MON2: variants seen among roughly 807,000 people sequenced by gnomAD.
MON2 encodes the protein MON2 regulator of endosome-to-Golgi trafficking.
In MON2, 84 loss-of-function variants were observed where a neutral mutation model predicts 208.6. The ratio of observed to expected loss-of-function variants is 0.40; its 90% CI spans 0.34 to 0.48. The LOEUF is 0.48. MON2 is among the 20% of genes least tolerant of loss of function. The pLI, the probability that MON2 is intolerant of heterozygous loss-of-function variation, is 0.59. For missense variants in MON2, 1,611 were observed against 2,015.4 expected, an observed-to-expected ratio of 0.80 and a Z score of 3.84; for synonymous variants, 660 against 694.0, an observed-to-expected ratio of 0.95 and a Z score of 0.77.
rs763219580 is a variant in MON2 at position 62,495,059 on chromosome 12, A to T, written c.347A>T (p.Glu116Val). 2 of 1,611,082 alleles carry T rather than the reference A, an allele frequency of 1.2e-6. No individual in the cohort carries two copies. The highest frequency in any genetic ancestry group is 1.1e-5 in the South Asian group (1 of 90,924). The change falls in exon 4 of 35, where the codon GAG becomes GTG. Residue 116 changes from glutamate to valine, a missense_variant. Glu to Val is a moderately radical substitution (Grantham distance 121). Transcript: ENST00000393630. ...ATTAACATGCTTTGGCAGCTAATGG[A>T]GAATAGTCTTGAAGAACTTAAGCTA... The part of the protein sequence containing the change: ...NIINMLWQLM[E>V]NSLEELKLLQ...
rs76057648 is a variant in MON2, at chr12:62,517,717, G to A, written c.985-6798G>A. ...TCTCATATTTCCAGCCTCCAGAATT[G>A]TAACAAATAAATTTCTGTCATTTAA... On this transcript the variant is annotated intron_variant, in intron 8 of 34. Transcript: ENST00000393630. Among the ~76,000 whole-genome samples, 329 of 152,230 alleles carry A rather than the reference G, an allele frequency of 2.2e-3. 4 individuals are homozygous for A. In the East Asian group the frequency reaches 0.055, roughly 26 times the overall value.
intron 7 of MON2, among the ~76,000 whole-genome samples, chr12:62,505,692 G>A (rs1266880296): frequency 6.6e-6 from 1 of 151,452 alleles, no homozygotes; most frequent in African/African-American, 2.4e-5. Context: ...ACCAGCCTGG[G>A]CAACATAGTG....
At chr12:62,537,800 G>T in intron 16 of MON2, 94 bp downstream of exon 16, 1 of 988,570 alleles carries the variant, frequency 1.0e-6, no homozygotes, top group Non-Finnish European at 1.5e-6. Context: ...TTTTGGACAG[G>T]CCTAAAAAAT....
At chr12:62,500,932 AT>A in intron 6 of MON2, 52 bp downstream of exon 6, 2 of 1,142,740 alleles carry the variant, frequency 1.8e-6, no homozygotes, top group South Asian at 3.1e-5. Context: ...TTTTGTGTGA[AT>A]TTTTTAGTTG....
At chr12:62,489,948 G>T in intron 2 of MON2, 3 of 673,502 alleles carry the variant, frequency 4.5e-6, no homozygotes, top group South Asian at 3.9e-5. Flanking sequence ...TTTTTTAATG[G>T]CTGTTAAAAT....
intron 34 of MON2, among the ~76,000 whole-genome samples, chr12:62,588,431 C>T (rs2075290398): frequency 6.6e-6 from 1 of 151,220 alleles, no homozygotes; most frequent in South Asian, 2.1e-4. Flanking sequence ...ATCCATATTT[C>T]ATATATTTTT....
chr12:62,527,281 A>C (rs1015645603), intron 11 of MON2, among the ~76,000 whole-genome samples: 1 of 152,106 alleles, frequency 6.6e-6, no homozygotes, highest in African/African-American at 2.4e-5. Flanking sequence ...AATGAAACAG[A>C]GTCTTCGGCT....
At chr12:62,510,272 A>G (rs1185917410) in intron 8 of MON2, among the ~76,000 whole-genome samples, 3 of 152,162 alleles carry the variant, frequency 2.0e-5, no homozygotes, top group Non-Finnish European at 4.4e-5. Context: ...GAGGAGAGAA[A>G]ACTTCCAAGC....
chr12:62,583,948 A>C (rs1259325120), intron 32 of MON2, among the ~76,000 whole-genome samples: 5 of 148,304 alleles, frequency 3.4e-5, no homozygotes, highest in Non-Finnish European at 7.5e-5. Flanking sequence ...TGACAGAGTG[A>C]AGACCCTGTC....
intron 34 of MON2, chr12:62,588,834 TTTTG>T (rs2075303536): frequency 7.1e-7 from 1 of 1,400,072 alleles, no homozygotes; most frequent in Non-Finnish European, 9.6e-7. Context: ...TTTTTCAACC[TTTTG>T]TTTATTTCAT....
intron 1 of MON2, among the ~76,000 whole-genome samples, chr12:62,469,568 A>T (rs996275073): frequency 1.3e-5 from 2 of 152,234 alleles, no homozygotes; most frequent in African/African-American, 4.8e-5. Context: ...TTGAAAAATG[A>T]TCTTGACTGT....
chr12:62,523,218 T>C (rs911938291), intron 8 of MON2, among the ~76,000 whole-genome samples: 13 of 152,222 alleles, frequency 8.5e-5, no homozygotes, highest in Non-Finnish European at 1.5e-4. Context: ...TAAAGAGGTG[T>C]CATTTTGTTT....
chr12:62,484,865 G>C (rs930946376), intron 2 of MON2: 2 of 148,594 alleles, frequency 1.3e-5, no homozygotes, highest in Non-Finnish European at 3.0e-5. Context: ...CTCTTCCTTG[G>C]TGCCTTTTGT....
intron 25 of MON2, among the ~76,000 whole-genome samples, chr12:62,557,944 ATATATATATATATATATATTTTTTTTT>A (rs2074041308): frequency 2.3e-5 from 1 of 43,110 alleles, no homozygotes; most frequent in Non-Finnish European, 3.8e-5. Flanking sequence ...ATATATATAT[ATATATATATATATATATATTTTTTTTT>A]TTTTTTTTTT....
chr12:62,479,536 T>G (rs2069285723), intron 1 of MON2, among the ~76,000 whole-genome samples: 1 of 150,918 alleles, frequency 6.6e-6, no homozygotes, highest in South Asian at 2.1e-4. Context: ...AGGAAGAGTT[T>G]ACTGAGTGAG....
chr12:62,588,724 A>G, intron 34 of MON2: 1 of 519,950 alleles, frequency 1.9e-6, no homozygotes. Context: ...AATTGCAAAG[A>G]ATACTCCAGT....
chr12:62,527,251 C>T (rs1471323882), intron 11 of MON2, among the ~76,000 whole-genome samples: 1 of 152,032 alleles, frequency 6.6e-6, no homozygotes, highest in Non-Finnish European at 1.5e-5. Flanking sequence ...TGTGAAACCC[C>T]ATCTCTTAAA....
At chr12:62,476,063 T>C (rs536428242) in intron 1 of MON2, among the ~76,000 whole-genome samples, 2 of 152,232 alleles carry the variant, frequency 1.3e-5, no homozygotes, top group South Asian at 4.1e-4. Flanking sequence ...GGGAATACCA[T>C]GTATATATTT....
intron 11 of MON2, among the ~76,000 whole-genome samples, chr12:62,530,784 C>CT (rs1565651960): frequency 6.6e-6 from 1 of 152,082 alleles, no homozygotes; most frequent in East Asian, 1.9e-4. Context: ...TATGGTCACT[C>CT]TATGTTTACA....
Sources: allele counts gnomAD v4.1 joint callset (sites outside exome capture counted in the v4.1 genomes callset), GRCh38; gene constraint gnomAD v4.1.1; transcripts MANE v1.5; gene names NCBI Gene and HGNC (gene_info 2026-07-23, HGNC 2026-07-21).